The following SEMA5B variants were observed in gnomAD, a reference collection of about 807,000 sequenced individuals.
SEMA5B encodes semaphorin 5B, also known as semaphorin-5B.
SEMA5B carries 66 observed loss-of-function variants against 135.0 expected under a neutral mutation model. The ratio of observed to expected loss-of-function variants is 0.49; its 90% confidence interval spans 0.40 to 0.60. SEMA5B has a LOEUF of 0.60. Ranked by LOEUF, SEMA5B falls within the 20% of genes least tolerant of loss-of-function variation. The probability of loss-of-function intolerance (pLI) is 0.00; values close to 1 mark genes in which losing one functional copy is unlikely to be tolerated. For missense variants in SEMA5B, 1,501 were observed against 1,566.3 expected (o/e 0.96, Z 0.70); for synonymous variants, 690 against 639.5 (o/e 1.08, Z -1.19).
intron 12 of SEMA5B, 79 bp from the exon 13 acceptor site, chr3:122,915,969 C>A: frequency 1.0e-6 from 1 of 997,328 alleles, no homozygotes; most frequent in Non-Finnish European, 1.6e-6. Context: ...CGTGAACACT[C>A]CCCTCTGTGC....
chr3:123,023,571 T>C (rs1942737920), intron 1 of SEMA5B, among the ~76,000 whole-genome samples: 1 of 152,092 alleles, frequency 6.6e-6, no homozygotes, highest in African/African-American at 2.4e-5. Context: ...GAGTGAGGAA[T>C]CTGAGGCACA....
At chr3:123,008,005 T>C (rs1942351393) in intron 1 of SEMA5B, among the ~76,000 whole-genome samples, 1 of 152,256 alleles carries the variant, frequency 6.6e-6, no homozygotes, top group South Asian at 2.1e-4. Context: ...TGCTTTCATA[T>C]GTGTATATTT....
chr3:122,943,156 C>T (rs538265829), intron 4 of SEMA5B, among the ~76,000 whole-genome samples: 37 of 152,276 alleles, frequency 2.4e-4, no homozygotes, highest in African/African-American at 7.9e-4. Context: ...AGGCAGGGAC[C>T]GGGCAGGAGG....
At chr3:122,982,093 C>A (rs749326415) in intron 1 of SEMA5B, among the ~76,000 whole-genome samples, 1 of 152,206 alleles carries the variant, frequency 6.6e-6, no homozygotes, top group Non-Finnish European at 1.5e-5. Context: ...GAGACCCACA[C>A]TCCTTTTAGC....
At chr3:122,945,775 T>C (rs1939762600) in intron 3 of SEMA5B, among the ~76,000 whole-genome samples, 1 of 100,448 alleles carries the variant, frequency 1.0e-5, no homozygotes, top group African/African-American at 3.9e-5. Flanking sequence ...GGCCCTTTCT[T>C]GGGGAGGAGG....
chr3:123,003,273 C>A (rs1560433864), intron 1 of SEMA5B, among the ~76,000 whole-genome samples: 1 of 152,172 alleles, frequency 6.6e-6, no homozygotes, highest in East Asian at 1.9e-4. Context: ...AAAAAGTGCC[C>A]CCACTAAAAC....
chr3:122,918,637 C>T (rs899174507), intron 12 of SEMA5B, among the ~76,000 whole-genome samples: 1 of 152,242 alleles, frequency 6.6e-6, no homozygotes, highest in African/African-American at 2.4e-5. Flanking sequence ...ACCCCTTCAG[C>T]TTCCCCTGCC....
chr3:122,916,225 G>A (rs1308252814), intron 12 of SEMA5B, among the ~76,000 whole-genome samples: 1 of 152,112 alleles, frequency 6.6e-6, no homozygotes, highest in African/African-American at 2.4e-5. Context: ...CCCAAATATG[G>A]GTGCCCCATA....
chr3:122,950,927 CTATT>C (rs1447389938), intron 2 of SEMA5B, among the ~76,000 whole-genome samples: 1 of 152,188 alleles, frequency 6.6e-6, no homozygotes, highest in East Asian at 1.9e-4. Flanking sequence ...AAGATTTTCT[CTATT>C]TATTTTATTT....
chr3:122,994,766 G>A (rs1057008854), intron 1 of SEMA5B, among the ~76,000 whole-genome samples: 1 of 152,204 alleles, frequency 6.6e-6, no homozygotes, highest in Non-Finnish European at 1.5e-5. Context: ...CTGAGACTCG[G>A]TTTCCCTGTG....
At chr3:122,928,050 G>A (rs373885813) in intron 7 of SEMA5B, 47 bp from the exon 8 acceptor site, 1 of 1,355,564 alleles carries the variant, frequency 7.4e-7, no homozygotes, top group Non-Finnish European at 9.8e-7. Context: ...AGGCCCTGGG[G>A]CTGCCTGTTC....
chr3:122,932,243 AT>A (rs71136597), intron 5 of SEMA5B, among the ~76,000 whole-genome samples: 858 of 85,252 alleles, frequency 0.01, 5 homozygotes, highest in African/African-American at 0.036. Context: ...TCTCAATATG[AT>A]TTTTTTTTTT....
chr3:122,994,202 C>T (rs1009684625), intron 1 of SEMA5B, among the ~76,000 whole-genome samples: 1 of 152,058 alleles, frequency 6.6e-6, no homozygotes, highest in South Asian at 2.1e-4. Flanking sequence ...AGGCTGCCTG[C>T]ACAATTCATT....
intron 15 of SEMA5B, 64 bp downstream of exon 15, chr3:122,913,794 T>C (rs1438913050): frequency 6.4e-7 from 1 of 1,566,578 alleles, no homozygotes; most frequent in African/African-American, 1.4e-5. Context: ...ACGAGGAGAA[T>C]CCAGGCCACT....
chr3:122,976,682 A>G (rs1941332041), intron 1 of SEMA5B, among the ~76,000 whole-genome samples: 1 of 152,148 alleles, frequency 6.6e-6, no homozygotes, highest in Non-Finnish European at 1.5e-5. Context: ...GCACTTATCC[A>G]TTTTATTTTT....
At chr3:122,945,537 T>C (rs1939745859) in intron 3 of SEMA5B, among the ~76,000 whole-genome samples, 1 of 152,174 alleles carries the variant, frequency 6.6e-6, no homozygotes, top group Non-Finnish European at 1.5e-5. Context: ...TATGTTATGG[T>C]GTATTTGACC....
chr3:122,972,914 G>C (rs895878735), intron 1 of SEMA5B, among the ~76,000 whole-genome samples: 2 of 152,158 alleles, frequency 1.3e-5, no homozygotes, highest in African/African-American at 4.8e-5. Context: ...AGCCTATCCA[G>C]GCTCCCAGAA....
At chr3:122,963,492 C>CAAAAAAA (rs71136598) in intron 1 of SEMA5B, among the ~76,000 whole-genome samples, 16 of 121,754 alleles carry the variant, frequency 1.3e-4, no homozygotes, top group African/African-American at 4.3e-4. Context: ...GTCTCTGACT[C>CAAAAAAA]AAAAAAAAAA....
chr3:123,026,370 C>T (rs1942798833), intron 1 of SEMA5B, among the ~76,000 whole-genome samples: 1 of 152,104 alleles, frequency 6.6e-6, no homozygotes, highest in Admixed American at 6.5e-5. Flanking sequence ...GCGCTCCTCT[C>T]TCCCCATCCA....
Sources: gnomAD v4.1 joint callset for allele counts (sites outside exome capture counted in the v4.1 genomes callset) on GRCh38, gnomAD v4.1.1 for gene constraint, MANE v1.5 for transcripts, NCBI Gene and HGNC (gene_info 2026-07-23, HGNC 2026-07-21) for gene names.